RNF144A: variants seen among roughly 807,000 people sequenced by gnomAD.
The protein encoded by RNF144A is ring finger protein 144A, also known as E3 ubiquitin-protein ligase RNF144A.
A neutral mutation model predicts 38.7 loss-of-function variants in RNF144A; 11 were observed. That is an observed-to-expected ratio of 0.28 (90% CI 0.18 to 0.47). The LOEUF (loss-of-function observed/expected upper bound fraction) is 0.47. RNF144A is among the 20% of genes least tolerant of loss of function. RNF144A has a pLI of 0.99. For missense variants in RNF144A, 316 were observed against 377.2 expected (o/e 0.84, Z 1.34); for synonymous variants, 149 against 143.9 (o/e 1.04, Z -0.25).
At position 6,994,794 on chromosome 2, in the gene RNF144A, C is replaced by T. The variant is rs554065581; in HGVS notation, c.-11-2122C>T. On this transcript the variant is annotated intron_variant, in intron 2 of 8. Transcript: ENST00000320892. ...TGAGTGACTTGCAGGCACCAGCTGC[C>T]CTTGGAAGAGGCCCCTCCAGCTGCG... Among the ~76,000 whole-genome samples, 4 of 152,300 alleles carry T rather than the reference C, an allele frequency of 2.6e-5. No homozygotes were observed. In the East Asian group the frequency reaches 7.7e-4, roughly 29 times the overall value.
intron 2 of RNF144A, among the ~76,000 whole-genome samples, chr2:6,964,431 A>G (rs1667524262): frequency 6.6e-6 from 1 of 152,208 alleles, no homozygotes; most frequent in African/African-American, 2.4e-5. Context: ...AGGGATCTAG[A>G]ACTAGAAATA....
rs564398787 is a variant in RNF144A, at chr2:7,009,752, C to T, written c.136-4702C>T. The stretch of plus-strand genomic sequence containing the variant: ...CAGAAGGGAAGGCTGTGCAGGAGGT[C>T]GTGCCTCCAGCCTCCTTAACCACAG... On this transcript the variant is annotated intron_variant, in intron 3 of 8. Coordinates refer to ENST00000320892, the MANE Select transcript of RNF144A (RefSeq NM_014746.6). Among the ~76,000 whole-genome samples, 6 of 152,272 alleles carry T rather than the reference C, an allele frequency of 3.9e-5. No homozygotes were observed. In the South Asian group the frequency reaches 6.2e-4, roughly 16 times the overall value.
downstream of RNF144A, among the ~76,000 whole-genome samples, chr2:7,047,071 T>C (rs920356188): frequency 3.9e-5 from 6 of 152,246 alleles, no homozygotes; most frequent in African/African-American, 1.4e-4. Context: ...TTCTGACAGT[T>C]GGACTCCATG....
At chr2:6,938,374 T>C (rs1222771713) in intron 1 of RNF144A, among the ~76,000 whole-genome samples, 20 of 150,830 alleles carry the variant, frequency 1.3e-4, no homozygotes, top group Non-Finnish European at 3.0e-5. Flanking sequence ...CAGCCTCCCA[T>C]GTAGCTGGGA....
chr2:6,979,348 G>T (rs1668493611), intron 2 of RNF144A, among the ~76,000 whole-genome samples: 1 of 152,160 alleles, frequency 6.6e-6, no homozygotes, highest in South Asian at 2.1e-4. Context: ...TGGCTGTGAG[G>T]GAGGCAGAGG....
intron 6 of RNF144A, among the ~76,000 whole-genome samples, chr2:7,065,233 C>A (rs939953133): frequency 2.0e-5 from 3 of 152,246 alleles, no homozygotes; most frequent in Admixed American, 2.0e-4. Context: ...TAGATCAACA[C>A]TGGAATCTCT....
intron 3 of RNF144A, among the ~76,000 whole-genome samples, chr2:7,001,106 C>T (rs1267876118): frequency 1.3e-5 from 2 of 151,738 alleles, no homozygotes; most frequent in African/African-American, 4.8e-5. Context: ...TCGAGACCAG[C>T]CTGGCCAACA....
rs1317482268 is a variant in RNF144A, at chr2:7,043,911, C to G, written c.*4151C>G. 1 of 985,786 alleles carries G rather than the reference C, an allele frequency of 1.0e-6. No homozygotes were observed. Among genetic ancestry groups the G allele is most frequent in the East Asian group, 1.1e-4 (1 of 8,816 alleles). The allele number at this position is 985,786 out of a possible 1,614,324, so 61.1% of individuals were successfully genotyped here. A position where few individuals can be genotyped will look rare whatever the true frequency, so the allele number is the denominator to read the frequency against. ...GCACATGTATACGTTATGTATTTGA[C>G]AAGTGGTGGTGAAACAAAATCAAAA... On this transcript the variant is annotated 3_prime_UTR_variant, in exon 9 of 9. Transcript: ENST00000320892.
At chr2:7,048,471 G>C (rs1227470140), downstream of RNF144A, among the ~76,000 whole-genome samples, 1 of 152,186 alleles carries the variant, frequency 6.6e-6, no homozygotes, top group South Asian at 2.1e-4. Flanking sequence ...ACAACGAGCA[G>C]ACCATGGGGC....
chr2:6,928,724 C>T (rs1015094442), intron 1 of RNF144A, among the ~76,000 whole-genome samples: 3 of 152,236 alleles, frequency 2.0e-5, no homozygotes, highest in Non-Finnish European at 4.4e-5. Flanking sequence ...CTGTGGCTTT[C>T]GCTAGCCTTT....
At chr2:7,037,923 C>A (rs1020011839) in intron 8 of RNF144A, among the ~76,000 whole-genome samples, 1 of 152,200 alleles carries the variant, frequency 6.6e-6, no homozygotes, top group African/African-American at 2.4e-5. Context: ...CACTAGGTGG[C>A]GGTCTAGCCC....
chr2:6,935,508 C>T (rs114604399), intron 1 of RNF144A, among the ~76,000 whole-genome samples: 3,615 of 152,322 alleles, frequency 0.024, 113 homozygotes, highest in African/African-American at 0.08. Flanking sequence ...TCCTGTCTTT[C>T]CCGTCTACAT....
intron 1 of RNF144A, among the ~76,000 whole-genome samples, chr2:6,937,395 C>T (rs911801376): frequency 6.6e-6 from 1 of 152,220 alleles, no homozygotes; most frequent in Non-Finnish European, 1.5e-5. Context: ...TCCCAACACA[C>T]CCCTCTGGGC....
At chr2:7,057,818 T>C (rs1308367050) in intron 6 of RNF144A, among the ~76,000 whole-genome samples, 2 of 150,976 alleles carry the variant, frequency 1.3e-5, no homozygotes, top group African/African-American at 5.0e-5. Flanking sequence ...CTTGGTATAT[T>C]TTCTCATAGA....
chr2:7,049,786 G>A (rs906752766), intron 6 of RNF144A, among the ~76,000 whole-genome samples: 1 of 152,180 alleles, frequency 6.6e-6, no homozygotes, highest in African/African-American at 2.4e-5. Flanking sequence ...AGGGACCGAG[G>A]AAAGAAAGTT....
chr2:6,959,756 G>A (rs1028672783), intron 2 of RNF144A, among the ~76,000 whole-genome samples: 7 of 152,086 alleles, frequency 4.6e-5, no homozygotes, highest in Admixed American at 1.3e-4. Context: ...GAGGGCAGAC[G>A]CCTTATGACC....
rs557628473 is a variant in RNF144A, at chr2:7,043,949, G to A, written c.*4189G>A. On this transcript the variant is annotated 3_prime_UTR_variant, in exon 9 of 9. Transcript: ENST00000320892. ...AACAAAATCAAAACAGATTTGATTT[G>A]TGTTTTTGAAATGTCAGTACATTTT... 3 of 985,840 alleles carry A rather than the reference G, an allele frequency of 3.0e-6. No individual in the cohort carries two copies. Among genetic ancestry groups the A allele is most frequent in the African/African-American group, 1.7e-5 (1 of 57,356 alleles). The allele number at this position is 985,840 out of a possible 1,614,324, so 61.1% of individuals were successfully genotyped here. A position where few individuals can be genotyped will look rare whatever the true frequency, so the allele number is the denominator to read the frequency against.
intron 2 of RNF144A, among the ~76,000 whole-genome samples, chr2:6,990,780 A>G (rs1477231270): frequency 6.6e-6 from 1 of 152,076 alleles, no homozygotes; most frequent in Non-Finnish European, 1.5e-5. Context: ...ACATGTAATC[A>G]CCATTACGCT....
At position 7,043,994 on chromosome 2, in the gene RNF144A, G is replaced by T; in HGVS notation, c.*4234G>T. On this transcript the variant is annotated 3_prime_UTR_variant, in exon 9 of 9. Transcript: ENST00000320892. ...CATTTTGTGCCACTAACACTGTGATGTATAAAAGAGCTGTTTGAATGCCTT... is the reference window on the plus strand; with the variant it reads ...CATTTTGTGCCACTAACACTGTGATTTATAAAAGAGCTGTTTGAATGCCTT... 1.0e-6 allele frequency: 1 copy of T among 985,864 alleles called. No individual in the cohort carries two copies. The highest frequency in any genetic ancestry group is 1.2e-6 in the Non-Finnish European group (1 of 829,904). The allele number at this position is 985,864 out of a possible 1,614,324, so 61.1% of individuals were successfully genotyped here. A position where few individuals can be genotyped will look rare whatever the true frequency, so the allele number is the denominator to read the frequency against.
Sources: gnomAD v4.1 joint callset for allele counts (sites outside exome capture counted in the v4.1 genomes callset) on GRCh38, gnomAD v4.1.1 for gene constraint, MANE v1.5 for transcripts, NCBI Gene and HGNC (gene_info 2026-07-23, HGNC 2026-07-21) for gene names.